Variants in ROBO1 observed in about 807,000 individuals in gnomAD.
The protein encoded by ROBO1 is roundabout guidance receptor 1.
In ROBO1, 149 loss-of-function variants were observed where a neutral mutation model predicts 195.9. The ratio of observed to expected loss-of-function variants is 0.76; its 90% CI spans 0.67 to 0.87. The LOEUF is 0.87. Among genes scored for constraint, ROBO1 ranks in the 40% least tolerant of loss-of-function variants. ROBO1 has a pLI of 0.00. For synonymous variants in ROBO1, 816 were observed against 733.2 expected, an observed-to-expected ratio of 1.11 and a Z score of -1.82; for missense variants, 1,933 against 2,068.3, an observed-to-expected ratio of 0.93 and a Z score of 1.27.
chr3:79,120,916 A>G (rs1321638650), intron 3 of ROBO1, among the ~76,000 whole-genome samples: 2 of 152,178 alleles, frequency 1.3e-5, no homozygotes, highest in East Asian at 3.9e-4. Flanking sequence ...GATTAACTAT[A>G]TAATGTTTAA....
At chr3:79,109,809 A>AT in intron 3 of ROBO1, among the ~76,000 whole-genome samples, 1 of 152,056 alleles carries the variant, frequency 6.6e-6, no homozygotes, top group Non-Finnish European at 1.5e-5. Flanking sequence ...GAGGTGTTCC[A>AT]TTTTTTCATG....
At chr3:79,398,947 C>G (rs932419649) in intron 2 of ROBO1, among the ~76,000 whole-genome samples, 9 of 151,592 alleles carry the variant, frequency 5.9e-5, no homozygotes, top group African/African-American at 2.2e-4. Context: ...CCCACATGAT[C>G]AAATTTTCTT....
chr3:78,841,016 C>A (rs1178231121), intron 4 of ROBO1, among the ~76,000 whole-genome samples: 2 of 149,820 alleles, frequency 1.3e-5, no homozygotes, highest in Admixed American at 6.7e-5. Context: ...GAGCCAAGAT[C>A]ACGCCACTGC....
chr3:79,125,389 G>T (rs2080196099), intron 3 of ROBO1, 67 bp downstream of exon 3: 2 of 1,216,752 alleles, frequency 1.6e-6, no homozygotes, highest in Non-Finnish European at 2.4e-6. Context: ...TTATACAGGT[G>T]GTTGATGGTT....
chr3:79,416,339 C>T (rs538610624), intron 2 of ROBO1, among the ~76,000 whole-genome samples: 12 of 151,540 alleles, frequency 7.9e-5, no homozygotes, highest in African/African-American at 2.4e-4. Flanking sequence ...GGTGCTATGT[C>T]GCATGCCTGT....
chr3:78,760,519 G>A (rs2083071568), intron 4 of ROBO1, among the ~76,000 whole-genome samples: 1 of 152,116 alleles, frequency 6.6e-6, no homozygotes, highest in Non-Finnish European at 1.5e-5. Context: ...ATTATAATGG[G>A]AGCTACAACA....
At chr3:79,135,605 C>T (rs1408832187) in intron 2 of ROBO1, among the ~76,000 whole-genome samples, 1 of 150,914 alleles carries the variant, frequency 6.6e-6, no homozygotes, top group Non-Finnish European at 1.5e-5. Flanking sequence ...AGAGATACAG[C>T]AAATATGACA....
chr3:79,223,398 A>G (rs1483653740), intron 2 of ROBO1, among the ~76,000 whole-genome samples: 3 of 152,094 alleles, frequency 2.0e-5, no homozygotes, highest in Non-Finnish European at 2.9e-5. Flanking sequence ...AACAGTATCT[A>G]TATTATTCGA....
At chr3:79,748,829 C>A (rs1576315279) in intron 1 of ROBO1, among the ~76,000 whole-genome samples, 1 of 152,154 alleles carries the variant, frequency 6.6e-6, no homozygotes, top group Non-Finnish European at 1.5e-5. Flanking sequence ...TGAGACTTCC[C>A]CAGCCACATG....
chr3:79,108,900 T>C (rs898884009), intron 3 of ROBO1, among the ~76,000 whole-genome samples: 15 of 151,972 alleles, frequency 9.9e-5, no homozygotes, highest in Admixed American at 9.2e-4. Context: ...TGAACAAGCA[T>C]ATTTAGTCAC....
At chr3:78,704,489 C>T (rs1295535295) in intron 8 of ROBO1, among the ~76,000 whole-genome samples, 1 of 151,794 alleles carries the variant, frequency 6.6e-6, no homozygotes, top group Non-Finnish European at 1.5e-5. Flanking sequence ...AAAAGTTTAT[C>T]CCCTACTGGC....
At chr3:78,659,073 T>C (rs906803875) in intron 17 of ROBO1, among the ~76,000 whole-genome samples, 1 of 151,894 alleles carries the variant, frequency 6.6e-6, no homozygotes, top group African/African-American at 2.4e-5. Context: ...AAAAATCTTC[T>C]ATAACATTCT....
chr3:79,694,303 AC>A (rs1241361973), intron 1 of ROBO1, among the ~76,000 whole-genome samples: 1 of 134,698 alleles, frequency 7.4e-6, no homozygotes, highest in African/African-American at 2.5e-5. Flanking sequence ...GCCACAGTTT[AC>A]AAAAAAAATG....
intron 19 of ROBO1, among the ~76,000 whole-genome samples, chr3:78,649,293 G>A (rs559367883): frequency 6.6e-6 from 1 of 152,148 alleles, no homozygotes; most frequent in African/African-American, 2.4e-5. Flanking sequence ...CTGAAGAAGA[G>A]ATGAAAAGGA....
At chr3:79,334,323 T>A (rs1188188235) in intron 2 of ROBO1, among the ~76,000 whole-genome samples, 3 of 145,196 alleles carry the variant, frequency 2.1e-5, no homozygotes, top group Non-Finnish European at 3.0e-5. Flanking sequence ...TATATATATA[T>A]ATATATATGT....
chr3:79,287,968 A>G (rs972455817), intron 2 of ROBO1, among the ~76,000 whole-genome samples: 2 of 152,166 alleles, frequency 1.3e-5, no homozygotes, highest in African/African-American at 4.8e-5. Context: ...ACCATTCAAA[A>G]TGAAACAAAA....
chr3:79,549,182 T>C (rs1009606386), intron 2 of ROBO1, among the ~76,000 whole-genome samples: 2 of 152,230 alleles, frequency 1.3e-5, no homozygotes, highest in Admixed American at 1.3e-4. Context: ...ATTAAATTGT[T>C]AATTCACTGT....
chr3:79,320,760 G>A (rs2033945958), intron 2 of ROBO1, among the ~76,000 whole-genome samples: 1 of 152,080 alleles, frequency 6.6e-6, no homozygotes, highest in Admixed American at 6.5e-5. Context: ...AAATTATTAA[G>A]GCTTAATGTT....
At chr3:78,682,301 GA>G (rs904484452) in intron 10 of ROBO1, among the ~76,000 whole-genome samples, 3 of 150,960 alleles carry the variant, frequency 2.0e-5, no homozygotes, top group Admixed American at 6.6e-5. Context: ...TATATATATT[GA>G]AAAAAAGACA....
Sources: gnomAD v4.1 joint callset for allele counts (sites outside exome capture counted in the v4.1 genomes callset) on GRCh38, gnomAD v4.1.1 for gene constraint, MANE v1.5 for transcripts, NCBI Gene and HGNC (gene_info 2026-07-23, HGNC 2026-07-21) for gene names.